ITGBL1: variants seen among roughly 807,000 people sequenced by gnomAD.
ITGBL1 encodes the protein integrin subunit beta like 1.
ITGBL1 carries 51 observed loss-of-function variants against 68.5 expected under a neutral mutation model. The observed-to-expected ratio is 0.74, with a 90% CI of 0.59 to 0.94. The LOEUF is 0.94. Among genes scored for constraint, ITGBL1 ranks in the 40% least tolerant of loss-of-function variants. ITGBL1 has a pLI of 0.00. For missense variants in ITGBL1, 649 were observed against 647.4 expected, an observed-to-expected ratio of 1.00 and a Z score of -0.03; for synonymous variants, 209 against 227.3, an observed-to-expected ratio of 0.92 and a Z score of 0.72.
At chr13:101,664,312 C>A (rs2033160187) in intron 7 of ITGBL1, among the ~76,000 whole-genome samples, 1 of 152,138 alleles carries the variant, frequency 6.6e-6, no homozygotes, top group Admixed American at 6.5e-5. Flanking sequence ...AGTCAATTTA[C>A]ATTGACATAA....
At chr13:101,636,254 C>G (rs2032166645) in intron 7 of ITGBL1, among the ~76,000 whole-genome samples, 1 of 152,094 alleles carries the variant, frequency 6.6e-6, no homozygotes, top group African/African-American at 2.4e-5. Flanking sequence ...ACTGCAGACA[C>G]TTTCAGGAAG....
intron 8 of ITGBL1, among the ~76,000 whole-genome samples, chr13:101,705,838 A>C (rs925451270): frequency 6.6e-6 from 1 of 152,108 alleles, no homozygotes; most frequent in Non-Finnish European, 1.5e-5. Context: ...AGCAGGGACC[A>C]CTTTGTCCAT....
intron 2 of ITGBL1, among the ~76,000 whole-genome samples, chr13:101,476,425 A>G (rs1211294472): frequency 6.6e-6 from 1 of 152,144 alleles, no homozygotes; most frequent in Admixed American, 6.6e-5. Flanking sequence ...GCAAGAAAGA[A>G]GGAAAGATGA....
At chr13:101,602,141 T>C (rs1481094387) in intron 7 of ITGBL1, among the ~76,000 whole-genome samples, 1 of 152,058 alleles carries the variant, frequency 6.6e-6, no homozygotes, top group Non-Finnish European at 1.5e-5. Context: ...AGTTTAGACG[T>C]TTGCTTAAAG....
chr13:101,715,906 A>G lies in ITGBL1; in HGVS notation c.*252A>G, dbSNP rs751534156. ...GGTTCCTAACGAGAGCAATTTTTCC[A>G]CCCAAAAGTCATTTGGCAACATCTA... On this transcript the variant is annotated 3_prime_UTR_variant, in exon 11 of 11. Transcript: ENST00000376180. The G allele has an allele frequency of 7.7e-6, 3 of 390,474 alleles. No individual in the cohort carries two copies. Among genetic ancestry groups the G allele is most frequent in the Non-Finnish European group, 1.4e-5 (3 of 211,914 alleles). 24.2% of individuals were successfully genotyped at this position (390,474 alleles called of 1,614,324 possible).
chr13:101,520,012 C>A (rs546161881), intron 2 of ITGBL1, among the ~76,000 whole-genome samples: 8 of 152,236 alleles, frequency 5.3e-5, no homozygotes, highest in African/African-American at 1.9e-4. Context: ...CATGTTTGAG[C>A]ATGTCGACAT....
intron 6 of ITGBL1, 157 bp from the exon 7 acceptor site, chr13:101,597,996 T>C: frequency 1.7e-6 from 1 of 594,582 alleles, no homozygotes; most frequent in East Asian, 3.1e-5. Context: ...AAGTCAGTTA[T>C]TTAAGAATTT....
chr13:101,639,658 C>G (rs1337764954), intron 7 of ITGBL1, among the ~76,000 whole-genome samples: 1 of 152,122 alleles, frequency 6.6e-6, no homozygotes, highest in Non-Finnish European at 1.5e-5. Flanking sequence ...TTTAGCATGG[C>G]TTTATTATTC....
At chr13:101,524,209 C>A (rs2049333645) in intron 2 of ITGBL1, among the ~76,000 whole-genome samples, 2 of 150,040 alleles carry the variant, frequency 1.3e-5, no homozygotes, top group Admixed American at 6.7e-5. Flanking sequence ...AAGAAGGGAA[C>A]AATTGCTCCT....
chr13:101,483,554 A>G (rs533804938), intron 2 of ITGBL1, among the ~76,000 whole-genome samples: 2 of 152,202 alleles, frequency 1.3e-5, no homozygotes, highest in South Asian at 2.1e-4. Context: ...CAGAAAATGC[A>G]CAGTCCCATT....
downstream of ITGBL1, chr13:101,720,581 T>TGTGAA (rs1391348460): frequency 6.6e-6 from 1 of 151,606 alleles, no homozygotes; most frequent in East Asian, 1.9e-4. Flanking sequence ...TGTGTGTTTG[T>TGTGAA]GTGAAGTGAA....
chr13:101,613,440 A>G (rs1474685853), intron 7 of ITGBL1, among the ~76,000 whole-genome samples: 1 of 152,204 alleles, frequency 6.6e-6, no homozygotes, highest in Non-Finnish European at 1.5e-5. Flanking sequence ...CAGAAAACAA[A>G]TAATTTCAGA....
chr13:101,605,324 GCGTA>G (rs2139349318), intron 7 of ITGBL1, among the ~76,000 whole-genome samples: 1 of 2,038 alleles, frequency 4.9e-4, no homozygotes, highest in Non-Finnish European at 3.6e-3. Flanking sequence ...ATATGCATAT[GCGTA>G]TATATATATA....
chr13:101,580,561 G>T (rs1337788592), intron 5 of ITGBL1, among the ~76,000 whole-genome samples: 1 of 151,992 alleles, frequency 6.6e-6, no homozygotes, highest in African/African-American at 2.4e-5. Context: ...TTTACATTAG[G>T]TATATCTCCT....
At chr13:101,466,616 A>G (rs2048385149) in intron 2 of ITGBL1, among the ~76,000 whole-genome samples, 1 of 151,968 alleles carries the variant, frequency 6.6e-6, no homozygotes, top group East Asian at 1.9e-4. Flanking sequence ...CACCAAACAC[A>G]TTTTTCATGA....
At chr13:101,705,051 T>C (rs938241055) in intron 8 of ITGBL1, among the ~76,000 whole-genome samples, 15 of 152,114 alleles carry the variant, frequency 9.9e-5, no homozygotes, top group African/African-American at 3.4e-4. Flanking sequence ...TCTTGCAGAT[T>C]TAGTAGTCCC....
intron 7 of ITGBL1, among the ~76,000 whole-genome samples, chr13:101,601,268 G>C (rs1014711289): frequency 5.3e-5 from 8 of 152,114 alleles, no homozygotes; most frequent in African/African-American, 1.9e-4. Flanking sequence ...ATTTCTGTGG[G>C]ATTGGTGGTG....
chr13:101,685,974 G>A (rs2033745645), intron 7 of ITGBL1, among the ~76,000 whole-genome samples: 1 of 152,082 alleles, frequency 6.6e-6, no homozygotes, highest in South Asian at 2.1e-4. Context: ...TGGCCACTGG[G>A]TTGGGGTCAT....
chr13:101,555,549 A>G (rs1162453926), intron 2 of ITGBL1, among the ~76,000 whole-genome samples: 1 of 152,218 alleles, frequency 6.6e-6, no homozygotes, highest in African/African-American at 2.4e-5. Context: ...GTCAAGGTAT[A>G]ATATGGATAT....
Sources: allele counts gnomAD v4.1 joint callset (sites outside exome capture counted in the v4.1 genomes callset), GRCh38; gene constraint gnomAD v4.1.1; transcripts MANE v1.5; gene names NCBI Gene and HGNC (gene_info 2026-07-23, HGNC 2026-07-21).